Variants in AKAP19 observed in about 807,000 individuals in gnomAD.
AKAP19 encodes A-kinase anchoring protein 19.
the AKAP19 span, among the ~76,000 whole-genome samples, chr2:190,088,122 G>A: frequency 1.3e-5 from 2 of 152,180 alleles, no homozygotes; most frequent in Admixed American, 6.5e-5. Flanking sequence ...AATGTGGAAG[G>A]AGTAAAGTGA....
At chr2:190,176,495 C>G in the AKAP19 span, among the ~76,000 whole-genome samples, 1 of 152,094 alleles carries the variant, frequency 6.6e-6, no homozygotes, top group South Asian at 2.1e-4. The surrounding 1 kb of genome is among the most constrained non-coding windows in gnomAD (Gnocchi z 4.7). Context: ...TTACAGGTGC[C>G]TGCCACCACA....
At chr2:190,165,155 G>T in the AKAP19 span, among the ~76,000 whole-genome samples, 1 of 152,116 alleles carries the variant, frequency 6.6e-6, no homozygotes, top group Admixed American at 6.5e-5. Context: ...ACCAAATAGA[G>T]GCCAGTCCTG....
chr2:190,131,636 T>G, the AKAP19 span, among the ~76,000 whole-genome samples: 1 of 152,208 alleles, frequency 6.6e-6, no homozygotes, highest in African/African-American at 2.4e-5. Flanking sequence ...GGAAGTCCAA[T>G]TTATAGCCAG....
the AKAP19 span, chr2:190,180,978 A>C: frequency 1.0e-6 from 1 of 985,412 alleles, no homozygotes; most frequent in Non-Finnish European, 1.2e-6. The surrounding 1 kb of genome is among the most constrained non-coding windows in gnomAD (Gnocchi z 6.8). Flanking sequence ...AGACGCCAGC[A>C]AGCCCCCCTC....
chr2:190,202,294 A>C, the AKAP19 span: 1 of 167,180 alleles, frequency 6.0e-6, no homozygotes, highest in Non-Finnish European at 1.5e-5. Context: ...CTTCTGTACA[A>C]TATTTCTGAA....
At chr2:189,897,087 G>C in the AKAP19 span, among the ~76,000 whole-genome samples, 9 of 152,040 alleles carry the variant, frequency 5.9e-5, no homozygotes, top group Non-Finnish European at 1.3e-4. Flanking sequence ...GTTGAATGGG[G>C]ATAATGTTTA....
the AKAP19 span, among the ~76,000 whole-genome samples, chr2:189,933,752 G>A: frequency 6.6e-6 from 1 of 152,042 alleles, no homozygotes; most frequent in African/African-American, 2.4e-5. Flanking sequence ...AGAGACTATA[G>A]GAAATGCTTA....
the AKAP19 span, among the ~76,000 whole-genome samples, chr2:190,188,779 C>CT: frequency 2.0e-5 from 3 of 152,054 alleles, no homozygotes; most frequent in Non-Finnish European, 2.9e-5. Context: ...TTCACATGAA[C>CT]TTTTTTTTCC....
At chr2:190,020,962 G>A in the AKAP19 span, among the ~76,000 whole-genome samples, 6 of 152,106 alleles carry the variant, frequency 3.9e-5, no homozygotes, top group Non-Finnish European at 8.8e-5. Context: ...GCATAACCTT[G>A]TATTAGCATA....
the AKAP19 span, among the ~76,000 whole-genome samples, chr2:189,934,993 G>A: frequency 5.9e-5 from 9 of 152,126 alleles, 1 homozygote; most frequent in East Asian, 1.7e-3. Context: ...CATAATGCAT[G>A]TAGCGTTTTT....
At chr2:190,062,143 G>A in the AKAP19 span, 5 of 1,499,108 alleles carry the variant, frequency 3.3e-6, no homozygotes, top group African/African-American at 5.5e-5. Flanking sequence ...GTTTAAAAGA[G>A]CCTGAAAATA....
At chr2:189,937,768 G>A in the AKAP19 span, among the ~76,000 whole-genome samples, 1 of 152,156 alleles carries the variant, frequency 6.6e-6, no homozygotes, top group Admixed American at 6.5e-5. Flanking sequence ...ACAAATGCTG[G>A]CAAGGATATG....
chr2:189,942,341 A>C, the AKAP19 span, among the ~76,000 whole-genome samples: 1 of 152,136 alleles, frequency 6.6e-6, no homozygotes, highest in Non-Finnish European at 1.5e-5. Flanking sequence ...CCATGATGGT[A>C]AGCTTCCCGA....
At chr2:190,142,308 G>C in the AKAP19 span, among the ~76,000 whole-genome samples, 27,715 of 152,150 alleles carry the variant, frequency 0.18, 2,698 homozygotes, top group Middle Eastern at 0.26. Flanking sequence ...ATGATTTTAA[G>C]TAAAGGTATA....
chr2:190,159,929 C>T, the AKAP19 span, among the ~76,000 whole-genome samples: 3 of 152,154 alleles, frequency 2.0e-5, no homozygotes, highest in Non-Finnish European at 4.4e-5. Context: ...TTTGCCAATG[C>T]CAAATTGAAA....
At chr2:189,995,697 C>G in the AKAP19 span, among the ~76,000 whole-genome samples, 1 of 151,110 alleles carries the variant, frequency 6.6e-6, no homozygotes, top group African/African-American at 2.4e-5. Context: ...TTTTTTTCAC[C>G]GTGTTGTTGT....
At chr2:189,900,958 T>C in the AKAP19 span, among the ~76,000 whole-genome samples, 9 of 152,182 alleles carry the variant, frequency 5.9e-5, no homozygotes, top group African/African-American at 2.2e-4. Context: ...TGCATTTTTC[T>C]ATCAGCCAAT....
the AKAP19 span, among the ~76,000 whole-genome samples, chr2:190,182,243 C>T: frequency 6.6e-6 from 1 of 152,160 alleles, no homozygotes; most frequent in African/African-American, 2.4e-5. Context: ...ACTTAGGAAG[C>T]AGTACCTGTT....
chr2:190,152,630 T>C, the AKAP19 span, among the ~76,000 whole-genome samples: 4 of 152,222 alleles, frequency 2.6e-5, no homozygotes, highest in African/African-American at 7.2e-5. Context: ...TTTTCCCCCA[T>C]AGGAATTTTA....
Sources: gnomAD v4.1 joint callset for allele counts (sites outside exome capture counted in the v4.1 genomes callset) on GRCh38, gnomAD v4.1.1 for gene constraint, Gnocchi (gnomAD v3.1) non-coding constraint, MANE v1.5 for transcripts, NCBI Gene and HGNC (gene_info 2026-07-23, HGNC 2026-07-21) for gene names.